The following TCF4 variants were observed in gnomAD, a reference collection of about 807,000 sequenced individuals.
TCF4 encodes the protein SL3-3 enhancer factor 2.
TCF4 carries 3 observed loss-of-function variants against 82.1 expected under a neutral mutation model. The ratio of observed to expected loss-of-function variants is 0.04; its 90% confidence interval spans 0.02 to 0.09. TCF4 has a LOEUF of 0.09. Ranked by LOEUF, TCF4 falls within the 10% of genes least tolerant of loss-of-function variation. The probability of loss-of-function intolerance (pLI) is 1.00; values close to 1 mark genes in which losing one functional copy is unlikely to be tolerated. For missense variants in TCF4, 518 were observed against 852.7 expected (o/e 0.61, Z 4.89); for synonymous variants, 276 against 309.6 (o/e 0.89, Z 1.14).
chr18:55,525,955 A>T (rs2096979041), intron 3 of TCF4, among the ~76,000 whole-genome samples: 1 of 152,210 alleles, frequency 6.6e-6, no homozygotes, highest in African/African-American at 2.4e-5. Flanking sequence ...TGAAGATACA[A>T]TAAAATTACC....
chr18:55,579,240 C>G (rs1052157375), intron 3 of TCF4, among the ~76,000 whole-genome samples: 1 of 151,716 alleles, frequency 6.6e-6, no homozygotes, highest in African/African-American at 2.4e-5. Flanking sequence ...TATTCCTAGT[C>G]AATTGGCTCA....
intron 10 of TCF4, 95 bp from the exon 11 acceptor site, chr18:55,270,058 A>T: frequency 6.7e-7 from 1 of 1,499,460 alleles, no homozygotes; most frequent in Non-Finnish European, 9.2e-7. Context: ...CTATTTTACA[A>T]TGGAGACAGC....
At chr18:55,531,965 A>G (rs2097068562) in intron 3 of TCF4, among the ~76,000 whole-genome samples, 3 of 152,238 alleles carry the variant, frequency 2.0e-5, no homozygotes, top group African/African-American at 4.8e-5. Flanking sequence ...AATAGCTGTC[A>G]AAAATATAAA....
chr18:55,257,173 C>G, intron 14 of TCF4, 142 bp downstream of exon 14: 1 of 820,534 alleles, frequency 1.2e-6, no homozygotes, highest in East Asian at 2.6e-5. Context: ...GCTAATGACT[C>G]TGGCTCCCGC....
intron 3 of TCF4, among the ~76,000 whole-genome samples, chr18:55,584,848 G>C (rs2097620869): frequency 6.6e-6 from 1 of 152,098 alleles, no homozygotes; most frequent in South Asian, 2.1e-4. Flanking sequence ...AGAATTAAGT[G>C]TTCATTTCTT....
intron 8 of TCF4, among the ~76,000 whole-genome samples, chr18:55,284,823 G>T (rs913313423): frequency 6.6e-6 from 1 of 152,204 alleles, no homozygotes; most frequent in Non-Finnish European, 1.5e-5. Flanking sequence ...CAGGCCTTGG[G>T]AGAGTTCACA....
chr18:55,242,554 C>T (rs1168363934), intron 15 of TCF4, among the ~76,000 whole-genome samples: 1 of 151,728 alleles, frequency 6.6e-6, no homozygotes, highest in Non-Finnish European at 1.5e-5. Flanking sequence ...ATATGCAAGG[C>T]ACTACATGGG....
intron 15 of TCF4, among the ~76,000 whole-genome samples, chr18:55,236,926 G>C (rs1464623270): frequency 2.0e-5 from 3 of 152,058 alleles, no homozygotes; most frequent in Non-Finnish European, 4.4e-5. Context: ...TCCTATTTCA[G>C]AATCATTAAC....
chr18:55,320,198 A>C (rs1383040724), intron 8 of TCF4, among the ~76,000 whole-genome samples: 1 of 152,170 alleles, frequency 6.6e-6, no homozygotes, highest in Non-Finnish European at 1.5e-5. Flanking sequence ...GTTAAAAAAA[A>C]AAAAAGATGT....
chr18:55,466,795 T>C (rs1043590028), intron 3 of TCF4, among the ~76,000 whole-genome samples: 6 of 152,140 alleles, frequency 3.9e-5, no homozygotes, highest in Admixed American at 2.0e-4. Flanking sequence ...CATCAACACT[T>C]GAGTATTCCC....
intron 2 of TCF4, among the ~76,000 whole-genome samples, chr18:55,598,764 A>C (rs1210195835): frequency 6.6e-6 from 1 of 152,258 alleles, no homozygotes; most frequent in Non-Finnish European, 1.5e-5. Context: ...AAACTGGCTT[A>C]AATGATAAAG....
intron 3 of TCF4, among the ~76,000 whole-genome samples, chr18:55,545,094 C>T (rs1437991850): frequency 6.6e-6 from 1 of 152,206 alleles, no homozygotes; most frequent in Non-Finnish European, 1.5e-5. Flanking sequence ...CAAATAAAAA[C>T]TCTAGGACTT....
At chr18:55,501,775 C>T (rs1164763782) in intron 3 of TCF4, among the ~76,000 whole-genome samples, 2 of 151,980 alleles carry the variant, frequency 1.3e-5, no homozygotes, top group Admixed American at 6.6e-5. Context: ...ATCCTGCCTG[C>T]TTTGATTCCA....
chr18:55,422,194 TATGGGTA>T (rs2094796233), intron 5 of TCF4: 35 of 981,784 alleles, frequency 3.6e-5, no homozygotes, highest in Admixed American at 6.3e-5. Flanking sequence ...CTTTCGACCT[TATGGGTA>T]GCACGCCGAG....
At chr18:55,608,136 T>G (rs1415053234) in intron 2 of TCF4, among the ~76,000 whole-genome samples, 1 of 152,230 alleles carries the variant, frequency 6.6e-6, no homozygotes, top group African/African-American at 2.4e-5. Flanking sequence ...AAAGATAATA[T>G]TAATTCAAGC....
rs1441821085 is a variant in TCF4, at chr18:55,350,419, A to T, written c.500-11T>A. ...TCTTTGTCTGTACCTCTGAAAGAAA[A>T]TGAAGATGCTTTCAGCTCCCAAATG... On this transcript the variant is annotated splice_polypyrimidine_tract_variant and intron_variant, in intron 7 of 19. Coordinates refer to ENST00000354452, the MANE Select transcript of TCF4 (RefSeq NM_001083962.2). The T allele has an allele frequency of 1.9e-6, 3 of 1,613,358 alleles. No homozygotes were observed. Among genetic ancestry groups the T allele is most frequent in the Non-Finnish European group, 2.5e-6 (3 of 1,179,616 alleles).
At chr18:55,495,879 T>C (rs1410352302) in intron 3 of TCF4, 1 of 152,192 alleles carries the variant, frequency 6.6e-6, no homozygotes, top group East Asian at 1.9e-4. Context: ...GATTTCTGAA[T>C]CATTTGAATA....
At chr18:55,238,399 A>G (rs1411965889) in intron 15 of TCF4, among the ~76,000 whole-genome samples, 1 of 152,216 alleles carries the variant, frequency 6.6e-6, no homozygotes, top group East Asian at 1.9e-4. Context: ...GCATTTACTA[A>G]TTTAACAAAC....
upstream of TCF4, chr18:55,589,706 C>G: frequency 9.7e-7 from 1 of 1,030,796 alleles, no homozygotes; most frequent in Non-Finnish European, 1.2e-6. Context: ...TCCTCCTCAT[C>G]ATCATCACCA....
Sources: gnomAD v4.1 joint callset for allele counts (sites outside exome capture counted in the v4.1 genomes callset) on GRCh38, gnomAD v4.1.1 for gene constraint, MANE v1.5 for transcripts, NCBI Gene and HGNC (gene_info 2026-07-23, HGNC 2026-07-21) for gene names.